Variants in CHORDC1 observed in about 807,000 individuals in gnomAD.
CHORDC1 encodes the protein cysteine and histidine rich domain containing 1.
Under a neutral mutation model 48.3 loss-of-function variants are expected in CHORDC1, and 25 were observed. That is an observed-to-expected ratio of 0.52 (90% CI 0.38 to 0.72). The LOEUF (loss-of-function observed/expected upper bound fraction) is 0.72, where lower values mean the gene tolerates loss of function less well. Ranked by LOEUF, CHORDC1 falls within the 30% of genes least tolerant of loss-of-function variation. The pLI is 0.00. For synonymous variants in CHORDC1, 128 were observed against 126.4 expected (o/e 1.01, Z -0.09); for missense variants, 317 against 388.7 (o/e 0.82, Z 1.55).
rs556803547 is a variant in CHORDC1, at chr11:90,218,393, A to T, written c.65-209T>A. On this transcript the variant is annotated intron_variant, in intron 1 of 10. Transcript: ENST00000320585. ...TTCTAATTCAAGCATATGATGACTAAGGACAAAAATACAGAATTGTTTATG... is the reference window on the plus strand; with the variant it reads ...TTCTAATTCAAGCATATGATGACTATGGACAAAAATACAGAATTGTTTATG... Among the ~76,000 whole-genome samples, 27 of 152,308 alleles carry T rather than the reference A, an allele frequency of 1.8e-4. No individual in the cohort carries two copies. In the South Asian group the frequency reaches 5.6e-3, roughly 32 times the overall value.
intron 6 of CHORDC1, chr11:90,207,207 A>T (rs989933414): frequency 1.2e-5 from 2 of 161,544 alleles, no homozygotes; most frequent in African/African-American, 4.8e-5. Context: ...TCTTCCTCAT[A>T]AGCTAGCAGA....
At chr11:90,210,634 T>C (rs1218040398) in intron 5 of CHORDC1, 40 bp from the exon 6 acceptor site, 4 of 1,327,108 alleles carry the variant, frequency 3.0e-6, no homozygotes, top group Non-Finnish European at 4.3e-6. Flanking sequence ...AAAGTTAAAA[T>C]AGAACTTCGC....
chr11:90,215,167 T>G lies in CHORDC1; in HGVS notation c.171+7A>C, dbSNP rs1178955457. 6.9e-7 allele frequency: 1 copy of G among 1,459,756 alleles called. No homozygotes were observed. The highest frequency in any genetic ancestry group is 1.4e-5 in the African/African-American group (1 of 70,464). The allele number at this position is 1,459,756 out of a possible 1,614,324, so 90.4% of individuals were successfully genotyped here. A position where few individuals can be genotyped will look rare whatever the true frequency, so the allele number is the denominator to read the frequency against. ...AAGATAATCTAGAAAAAATAATTAG[T>G]ACTTACTACAATGCTTAAGAAATCA... is the stretch of plus-strand genomic sequence containing the variant. On this transcript the variant is annotated splice_region_variant and intron_variant, in intron 3 of 10. Transcript: ENST00000320585.
Position 90,223,013 on chromosome 11 carries a change from T to C in CHORDC1, c.-59A>G. 1.4e-6 allele frequency: 2 copies of C among 1,440,900 alleles called. No individual in the cohort carries two copies. Among genetic ancestry groups the C allele is most frequent in the Non-Finnish European group, 2.0e-6 (2 of 1,024,858 alleles). The allele number at this position is 1,440,900 out of a possible 1,614,324, so 89.3% of individuals were successfully genotyped here. A position where few individuals can be genotyped will look rare whatever the true frequency, so the allele number is the denominator to read the frequency against. The stretch of plus-strand genomic sequence containing the variant: ...CACCGGGAACGGCAAGAGGATGCGT[T>C]TGCCACTCCCGTGTCGCTAGCACCG... On this transcript the variant is annotated 5_prime_UTR_variant, in exon 1 of 11. Coordinates refer to ENST00000320585, the MANE Select transcript of CHORDC1 (RefSeq NM_012124.3).
intron 7 of CHORDC1, 190 bp downstream of exon 7, chr11:90,206,012 G>C (rs1165178964): frequency 3.4e-6 from 2 of 588,348 alleles, no homozygotes; most frequent in Non-Finnish European, 6.2e-6. Context: ...CTGTAACCTT[G>C]TTTCTGTTTT....
At chr11:90,216,965 T>G (rs1009273711) in intron 2 of CHORDC1, among the ~76,000 whole-genome samples, 3 of 151,910 alleles carry the variant, frequency 2.0e-5, no homozygotes, top group Non-Finnish European at 4.4e-5. Flanking sequence ...AAAACAAAAA[T>G]ATCAGAAGAA....
chr11:90,205,855 T>A (rs900742382), intron 7 of CHORDC1: 6 of 448,128 alleles, frequency 1.3e-5, no homozygotes, highest in Non-Finnish European at 2.4e-5. Context: ...GATAATGTTG[T>A]CTTAGTGCCC....
In CHORDC1 at chr11:90,210,586, T is replaced by C; in HGVS notation, c.442A>G (p.Asn148Asp). 1 of 1,575,938 alleles carries C rather than the reference T, an allele frequency of 6.3e-7. No homozygotes were observed. The highest frequency in any genetic ancestry group is 8.7e-7 in the Non-Finnish European group (1 of 1,149,050). The change falls in exon 6 of 11, where the codon AAT (asparagine) becomes GAT (aspartate). Residue 148 changes from asparagine (N) to aspartate (D), a missense_variant. Physicochemically the swap from Asn to Asp is conservative, Grantham distance 23. Coordinates refer to ENST00000320585, the MANE Select transcript of CHORDC1 (RefSeq NM_012124.3). The part of the protein sequence containing the change: ...GNEENKKEED[N>D]DEIKIGTSCK... ...GAGGTCCCAATCTTAATTTCATCAT[T>C]GTCTTCTTCTGTAACAAAGAAAAAA...
chr11:90,223,044 A>G lies in CHORDC1; in HGVS notation c.-90T>C, dbSNP rs577431175. 1,854 of 1,140,098 alleles carry G rather than the reference A, an allele frequency of 1.6e-3. 4 individuals are homozygous for G. The highest frequency in any genetic ancestry group is 2.1e-3 in the Non-Finnish European group (1,631 of 775,242). The allele number at this position is 1,140,098 out of a possible 1,614,324, so 70.6% of individuals were successfully genotyped here. On this transcript the variant is annotated 5_prime_UTR_variant, in exon 1 of 11. Coordinates refer to ENST00000320585, the MANE Select transcript of CHORDC1 (RefSeq NM_012124.3). ...CTCCCGTGTCGCTAGCACCGGTCTG[A>G]CGACTGAGGCGGCTACCGGCTTCCG... is the stretch of plus-strand genomic sequence containing the variant.
At position 90,218,242 on chromosome 11, in the gene CHORDC1, T is replaced by C. The variant is rs983103934; in HGVS notation, c.65-58A>G. ...ACTCTTTATAATGAAGAAAAATATA[T>C]ACATGATCATCTCCTTAAGGTGTTA... On this transcript the variant is annotated intron_variant, in intron 1 of 10. Transcript: ENST00000320585. The C allele has an allele frequency of 1.3e-5, 16 of 1,254,722 alleles. No homozygotes were observed. The South Asian group carries it at 1.5e-4, about 12-fold the overall frequency. The allele number at this position is 1,254,722 out of a possible 1,614,324, so 77.7% of individuals were successfully genotyped here.
At chr11:90,221,209 T>G (rs1858163085) in intron 1 of CHORDC1, among the ~76,000 whole-genome samples, 1 of 152,218 alleles carries the variant, frequency 6.6e-6, no homozygotes, top group Non-Finnish European at 1.5e-5. Context: ...TTCTGTCAAC[T>G]GTACAAGGTC....
At chr11:90,210,441 G>C in intron 6 of CHORDC1, 95 bp downstream of exon 6, 1 of 732,662 alleles carries the variant, frequency 1.4e-6, no homozygotes, top group Non-Finnish European at 2.4e-6. Context: ...TATATAATAT[G>C]CATGCAAATG....
At chr11:90,218,957 TA>T (rs67038713) in intron 1 of CHORDC1, among the ~76,000 whole-genome samples, 1,899 of 145,392 alleles carry the variant, frequency 0.013, 29 homozygotes, top group African/African-American at 0.033. Flanking sequence ...ACTTTTTAAT[TA>T]AAAAAAAAAA....
chr11:90,202,998 G>T, intron 9 of CHORDC1, 123 bp from the exon 10 acceptor site: 1 of 1,223,774 alleles, frequency 8.2e-7, no homozygotes. Flanking sequence ...TGCCAATACT[G>T]TATTGTTTCA....
At position 90,200,766 on chromosome 11, in the gene CHORDC1, G is replaced by A. The variant is rs1270096316; in HGVS notation, c.*1639C>T. ...GTAACAGATTAAGATACTGTTTAGG[G>A]GAAAACAGCCTCAGAAGGAAGTATG... On this transcript the variant is annotated 3_prime_UTR_variant, in exon 11 of 11. Transcript: ENST00000320585. Among the ~76,000 whole-genome samples, 2 of 151,802 alleles carry A rather than the reference G, an allele frequency of 1.3e-5. No homozygotes were observed. The highest frequency in any genetic ancestry group is 2.9e-5 in the Non-Finnish European group (2 of 67,832).
At chr11:90,214,492 A>C (rs1323604580) in intron 3 of CHORDC1, among the ~76,000 whole-genome samples, 1 of 152,112 alleles carries the variant, frequency 6.6e-6, no homozygotes, top group East Asian at 1.9e-4. Context: ...TTATACAGAA[A>C]AATCTGTTAC....
chr11:90,222,224 A>G (rs953228903), intron 1 of CHORDC1, among the ~76,000 whole-genome samples: 1 of 152,232 alleles, frequency 6.6e-6, no homozygotes, highest in African/African-American at 2.4e-5. Context: ...TTTATACGGG[A>G]GTAGGCATGG....
In CHORDC1 at chr11:90,214,048, G is replaced by C; in HGVS notation, c.299C>G (p.Pro100Arg). The C allele has an allele frequency of 2.5e-6, 4 of 1,613,096 alleles. No individual in the cohort carries two copies. Among genetic ancestry groups the C allele is most frequent in the Non-Finnish European group, 2.5e-6 (3 of 1,179,436 alleles). The change falls in exon 4 of 11, where the codon CCT becomes CGT. Residue 100 changes from proline (P) to arginine (R), a missense_variant. Pro to Arg is a moderately radical substitution (Grantham distance 103). Coordinates refer to ENST00000320585, the MANE Select transcript of CHORDC1 (RefSeq NM_012124.3). Reference sequence around the variant, plus strand: ...TCTTTTTATTGCTTCTACTGGCTTAGGGGCTTGAATGATGTGTTCCTGAAA... The same window carrying C: ...TCTTTTTATTGCTTCTACTGGCTTACGGGCTTGAATGATGTGTTCCTGAAA... Reference protein sequence around the residue: ...PKFQEHIIQAPKPVEAIKRPS... With the variant: ...PKFQEHIIQARKPVEAIKRPS...
At chr11:90,220,598 G>A (rs1385655548) in intron 1 of CHORDC1, among the ~76,000 whole-genome samples, 1 of 152,180 alleles carries the variant, frequency 6.6e-6, no homozygotes, top group Non-Finnish European at 1.5e-5. Context: ...GAATGAGTCA[G>A]ATCTGAACCA....
Sources: gnomAD v4.1 joint callset for allele counts (sites outside exome capture counted in the v4.1 genomes callset) on GRCh38, gnomAD v4.1.1 for gene constraint, MANE v1.5 for transcripts, NCBI Gene and HGNC (gene_info 2026-07-23, HGNC 2026-07-21) for gene names.